Variants in USP26 observed in about 807,000 individuals in gnomAD.
USP26 encodes ubiquitin specific peptidase 26.
For missense variants in USP26, 649 were observed against 642.3 expected (o/e 1.01, Z -0.11); for synonymous variants, 236 against 240.6 (o/e 0.98, Z 0.18).
intron 5 of USP26, among the ~76,000 whole-genome samples, chrX:133,079,945 G>C (rs1220711148): frequency 9.0e-6 from 1 of 111,559 alleles, no homozygotes; most frequent in African/African-American, 3.3e-5. Flanking sequence ...AGTTATTGTA[G>C]GTGGACATAT....
intron 5 of USP26, among the ~76,000 whole-genome samples, chrX:133,064,985 C>G (rs961592820): frequency 9.0e-6 from 1 of 111,025 alleles, no homozygotes; most frequent in Non-Finnish European, 1.9e-5. Context: ...ACTAGCCAGA[C>G]TAATAAAGAA....
chrX:133,083,170 ACTC>A (rs1451847665), intron 5 of USP26, among the ~76,000 whole-genome samples: 1 of 111,693 alleles, frequency 9.0e-6, no homozygotes, highest in African/African-American at 3.3e-5. Context: ...GTCATTATCA[ACTC>A]CTCTGGAATA....
At chrX:133,038,446 T>C (rs1034788855) in intron 5 of USP26, among the ~76,000 whole-genome samples, 1 of 112,142 alleles carries the variant, frequency 8.9e-6, no homozygotes, top group African/African-American at 3.2e-5. Context: ...TCATTGGTTC[T>C]GTTTATGTGA....
chrX:133,082,078 G>C (rs2067571874), intron 5 of USP26, among the ~76,000 whole-genome samples: 1 of 111,752 alleles, frequency 8.9e-6, no homozygotes. Context: ...TCCAGTTGGG[G>C]AGATGTTGAA....
intron 5 of USP26, among the ~76,000 whole-genome samples, chrX:133,047,097 T>C (rs1379672571): frequency 1.8e-5 from 2 of 112,012 alleles, no homozygotes; most frequent in East Asian, 2.8e-4. Context: ...GCTTTCATTT[T>C]TCCTCCACAG....
intron 5 of USP26, among the ~76,000 whole-genome samples, chrX:133,028,968 A>G (rs1420970139): frequency 8.9e-6 from 1 of 112,565 alleles, no homozygotes; most frequent in East Asian, 2.8e-4. Flanking sequence ...ACAACTTCTT[A>G]CCCATTAGAT....
At chrX:133,063,029 C>T (rs776064481) in intron 5 of USP26, among the ~76,000 whole-genome samples, 2 of 111,002 alleles carry the variant, frequency 1.8e-5, no homozygotes, top group South Asian at 7.7e-4. Context: ...TAGAGAAGAA[C>T]AAAAATGACC....
chrX:133,057,854 ATATATATATATATTTTTTTTTTTTT>A (rs1313216719), intron 5 of USP26, among the ~76,000 whole-genome samples: 2 of 19,736 alleles, frequency 1.0e-4, no homozygotes, highest in Non-Finnish European at 1.6e-4. Flanking sequence ...TTATATATAT[ATATATATATATATTTTTTTTTTTTT>A]TTTTTTTTTT....
chrX:133,027,556 A>T lies in USP26; in HGVS notation c.665T>A (p.Leu222Ter). 1 of 1,208,987 alleles carries T rather than the reference A, an allele frequency of 8.3e-7. No homozygotes were observed. Among genetic ancestry groups the T allele is most frequent in the East Asian group, 3.0e-5 (1 of 33,799 alleles). The change falls in exon 6 of 6, where the codon TTG becomes TAG. Residue 222 changes from leucine to a stop codon, truncating the protein, a stop_gained. Transcript: ENST00000511190. LOFTEE classifies it low-confidence loss of function (END_TRUNC). ...ATTCTCTTCTAACTCTTTTAACTTC[A>T]ATTGTTTCTCTCGATTATAGCTTAC... is the stretch of plus-strand genomic sequence containing the variant. The part of the protein sequence containing the change: ...RCVSYNREKQ[L>*]KLKELEENKK...
At chrX:133,070,937 C>T (rs1456741001) in intron 5 of USP26, among the ~76,000 whole-genome samples, 1 of 111,251 alleles carries the variant, frequency 9.0e-6, no homozygotes, top group Non-Finnish European at 1.9e-5. Flanking sequence ...TAAATGGTGG[C>T]CGGGTGTGGT....
At chrX:133,089,890 C>CT (rs1341071228) in intron 4 of USP26, among the ~76,000 whole-genome samples, 1 of 111,799 alleles carries the variant, frequency 8.9e-6, no homozygotes, top group Admixed American at 9.5e-5. Flanking sequence ...CTTTGGGAGG[C>CT]TGAGGTAGGA....
chrX:133,055,090 G>A (rs17305614), intron 5 of USP26, among the ~76,000 whole-genome samples: 2,063 of 112,314 alleles, frequency 0.018, 20 homozygotes, highest in Non-Finnish European at 0.029. Context: ...ACATGCTCAT[G>A]ATGAATACTT....
At chrX:133,037,748 T>C (rs938586256) in intron 5 of USP26, among the ~76,000 whole-genome samples, 2 of 112,249 alleles carry the variant, frequency 1.8e-5, no homozygotes, top group Admixed American at 1.9e-4. Flanking sequence ...GCATTGAATC[T>C]ATAAATTACT....
chrX:133,093,980 CAAAAAAAAAAA>C (rs11327414), intron 1 of USP26, among the ~76,000 whole-genome samples: 9 of 24,938 alleles, frequency 3.6e-4, no homozygotes, highest in Admixed American at 6.8e-4. Context: ...GACCCTGTCT[CAAAAAAAAAAA>C]AAAAAAAAAA....
In USP26 at chrX:133,025,915, G is replaced by T; in HGVS notation, c.2306C>A (p.Thr769Lys). ...SFPKPGTQGH[T>K]KNLLRPTKLN... is the part of the protein sequence containing the mutation. ...TTTTGTAGGTCTTAGGAGGTTCTTT[G>T]TGTGCCCCTGGGTGCCTGGCTTTGG... The change falls in exon 6 of 6, where the codon ACA becomes AAA. Residue 769 changes from threonine to lysine, a missense_variant. By Grantham distance (78) the Thr-to-Lys change is moderately conservative. Coordinates refer to ENST00000511190, the MANE Select transcript of USP26 (RefSeq NM_031907.3). 1.7e-6 allele frequency: 2 copies of T among 1,211,168 alleles called. No individual in the cohort carries two copies. The highest frequency in any genetic ancestry group is 2.2e-6 in the Non-Finnish European group (2 of 895,388).
chrX:133,085,865 G>C (rs747276997), intron 4 of USP26, among the ~76,000 whole-genome samples: 18 of 111,178 alleles, frequency 1.6e-4, no homozygotes, highest in Admixed American at 1.5e-3. Context: ...TCCCGGCTGG[G>C]GCTACTGTCT....
At chrX:133,053,914 T>C (rs1172411426) in intron 5 of USP26, among the ~76,000 whole-genome samples, 10 of 111,802 alleles carry the variant, frequency 8.9e-5, no homozygotes, top group Admixed American at 9.5e-5. Context: ...TACCTTAGCA[T>C]TGGGCTAAGC....
intron 5 of USP26, among the ~76,000 whole-genome samples, chrX:133,064,530 A>C (rs1011116053): frequency 5.4e-5 from 6 of 111,998 alleles, no homozygotes; most frequent in African/African-American, 1.9e-4. Context: ...ACAGCTTCTC[A>C]GACCACAGTG....
At chrX:133,028,953 G>A (rs952899424) in intron 5 of USP26, among the ~76,000 whole-genome samples, 1 of 112,277 alleles carries the variant, frequency 8.9e-6, no homozygotes, top group Non-Finnish European at 1.9e-5. Context: ...AAAAGTTTAA[G>A]AATAACAACT....
Sources: allele counts gnomAD v4.1 joint callset (sites outside exome capture counted in the v4.1 genomes callset), GRCh38; gene constraint gnomAD v4.1.1; transcripts MANE v1.5; gene names NCBI Gene and HGNC (gene_info 2026-07-23, HGNC 2026-07-21).